Variants in TBC1D31 observed in about 807,000 individuals in gnomAD.
TBC1D31 encodes the protein TBC1 domain family member 31, also known as WD repeat domain 67.
In TBC1D31, 99 loss-of-function variants were observed where a neutral mutation model predicts 132.9. That is an observed-to-expected ratio of 0.74 (90% CI 0.63 to 0.88). TBC1D31 has a LOEUF of 0.88. TBC1D31 is among the 40% of genes least tolerant of loss of function. TBC1D31 has a pLI of 0.00. For missense variants in TBC1D31, 1,134 were observed against 1,256.6 expected, an observed-to-expected ratio of 0.90 and a Z score of 1.48; for synonymous variants, 385 against 419.4, an observed-to-expected ratio of 0.92 and a Z score of 1.00.
intron 11 of TBC1D31, among the ~76,000 whole-genome samples, chr8:123,122,203 A>G (rs979182788): frequency 1.3e-5 from 2 of 152,248 alleles, no homozygotes; most frequent in African/African-American, 4.8e-5. Flanking sequence ...TATACCCAAA[A>G]GAATTGAAAA....
At chr8:123,158,503 CG>C in the TBC1D31 span, among the ~76,000 whole-genome samples, 2 of 152,148 alleles carry the variant, frequency 1.3e-5, no homozygotes, top group East Asian at 3.9e-4. Context: ...GACAGACCGA[CG>C]GAAGGACAGG....
downstream of TBC1D31, among the ~76,000 whole-genome samples, chr8:123,156,890 C>CCGAGCTCGCAGCGCGCCGA (rs1823005225): frequency 6.6e-6 from 1 of 152,218 alleles, no homozygotes; most frequent in African/African-American, 2.4e-5. Flanking sequence ...CTCGCAGCGC[C>CCGAGCTCGCAGCGCGCCGA]GTCCTGGACT....
intron 11 of TBC1D31, among the ~76,000 whole-genome samples, chr8:123,125,679 G>C (rs1563731791): frequency 6.6e-6 from 1 of 152,098 alleles, no homozygotes; most frequent in African/African-American, 2.4e-5. Context: ...GAGGAGATTG[G>C]CATGCTAATG....
At chr8:123,110,581 C>T (rs1046056567) in intron 10 of TBC1D31, among the ~76,000 whole-genome samples, 1 of 151,932 alleles carries the variant, frequency 6.6e-6, no homozygotes, top group African/African-American at 2.4e-5. Flanking sequence ...TGCCCATCAC[C>T]CAGCTTCAAC....
chr8:123,149,981 T>A (rs964900700), intron 20 of TBC1D31, 55 bp from the exon 21 acceptor site: 6 of 1,301,602 alleles, frequency 4.6e-6, no homozygotes, highest in Non-Finnish European at 6.7e-6. Flanking sequence ...TTGGAATTAG[T>A]AAGCCTTTCT....
chr8:123,109,081 G>A (rs1295630203), intron 8 of TBC1D31, among the ~76,000 whole-genome samples: 1 of 152,148 alleles, frequency 6.6e-6, no homozygotes, highest in Non-Finnish European at 1.5e-5. Context: ...GCCCTTTACA[G>A]AAAAAGTTTG....
In TBC1D31 at chr8:123,109,764, C is replaced by G. The variant is rs1357215663; in HGVS notation, c.1436+144C>G. On this transcript the variant is annotated intron_variant, in intron 10 of 21. Coordinates refer to ENST00000287380, the MANE Select transcript of TBC1D31 (RefSeq NM_145647.4). ...TGGTTTAATTTTAAAAATGTACATG[C>G]ACATATATTACATGTGAATATTAGT... 3.8e-5 allele frequency: 27 copies of G among 707,826 alleles called. No homozygotes were observed. In the Admixed American group the frequency reaches 7.7e-4, roughly 20 times the overall value. The allele number at this position is 707,826 out of a possible 1,614,324, so 43.8% of individuals were successfully genotyped here.
chr8:123,096,815 G>A (rs1816881931), intron 5 of TBC1D31, among the ~76,000 whole-genome samples: 1 of 152,160 alleles, frequency 6.6e-6, no homozygotes, highest in Non-Finnish European at 1.5e-5. Context: ...TCTTATTAAG[G>A]TAGCTTTCTT....
intron 1 of TBC1D31, among the ~76,000 whole-genome samples, chr8:123,074,769 A>G (rs945800474): frequency 2.6e-5 from 4 of 152,214 alleles, no homozygotes; most frequent in Non-Finnish European, 5.9e-5. Context: ...TTGTTGAAGT[A>G]AATGTCCGTT....
At chr8:123,149,969 A>G (rs542094133) in intron 20 of TBC1D31, 67 bp from the exon 21 acceptor site, 2 of 1,144,134 alleles carry the variant, frequency 1.7e-6, no homozygotes, top group African/African-American at 3.1e-5. Context: ...ACTAGGGACC[A>G]TTTGGAATTA....
At position 123,128,281 on chromosome 8, in the gene TBC1D31, T is replaced by G. The variant is rs570441854; in HGVS notation, c.1885T>G (p.Phe629Val). ...LSCNLKDDFE[F>V]FFHHRNNLDI... Reference sequence around the variant, plus strand: ...ATTTAAACACCAAGTTTTCTTACAGTTTTTTTTTCACCATCGGAATAACCT... The same window carrying G: ...ATTTAAACACCAAGTTTTCTTACAGGTTTTTTTTCACCATCGGAATAACCT... The change falls in exon 14 of 22, where the codon TTT becomes GTT. Residue 629 changes from phenylalanine (F) to valine (V), a missense_variant and splice_region_variant. Coordinates refer to ENST00000287380, the MANE Select transcript of TBC1D31 (RefSeq NM_145647.4). 7.2e-5 allele frequency: 110 copies of G among 1,519,876 alleles called. No individual in the cohort carries two copies. Among genetic ancestry groups the G allele is most frequent in the South Asian group, 1.4e-4 (12 of 84,006 alleles). The allele number at this position is 1,519,876 out of a possible 1,614,324, so 94.1% of individuals were successfully genotyped here.
chr8:123,157,719 G>GCACACACA, the TBC1D31 span, among the ~76,000 whole-genome samples: 120 of 148,032 alleles, frequency 8.1e-4, 1 homozygote, highest in Admixed American at 6.0e-4. Flanking sequence ...GCGCGCGCGC[G>GCACACACA]CACACACACA....
chr8:123,120,164 T>G lies in TBC1D31; in HGVS notation c.1546T>G (p.Phe516Val). Residue 516 changes from phenylalanine to valine, a missense_variant, in exon 11 of 22, where the codon TTT (phenylalanine) becomes GTT (valine). By Grantham distance (50) the Phe-to-Val change is conservative (BLOSUM62 -1). Transcript: ENST00000287380. ...ATTCCAGAACAACCAACTCATCTGT[T>G]TTGAAGTTATTGCTACTCTCATAAG... ...KLFQNNQLIC[F>V]EVIATLIINW... 6.2e-7 allele frequency: 1 copy of G among 1,608,104 alleles called. No individual in the cohort carries two copies. The highest frequency in any genetic ancestry group is 8.5e-7 in the Non-Finnish European group (1 of 1,176,670).
chr8:123,094,215 C>T (rs911723676), intron 5 of TBC1D31, among the ~76,000 whole-genome samples: 2 of 152,010 alleles, frequency 1.3e-5, no homozygotes, highest in Admixed American at 1.3e-4. Flanking sequence ...TAGGCACGTG[C>T]CACCATACTG....
rs191529804 is a variant in TBC1D31 at position 123,124,862 on chromosome 8, G to A, written c.1571-1194G>A. On this transcript the variant is annotated intron_variant, in intron 11 of 21. Transcript: ENST00000287380. ...TGAGACAAGATAATCACTTGAACCC[G>A]GGAGGCAGAGGTTGCAATGAGCCGA... Among the ~76,000 whole-genome samples the A allele has an allele frequency of 3.2e-4, 49 of 151,240 alleles. No homozygotes were observed. In the South Asian group the frequency reaches 3.8e-3, roughly 12 times the overall value.
intron 20 of TBC1D31, among the ~76,000 whole-genome samples, chr8:123,149,450 C>T (rs991824018): frequency 1.6e-4 from 25 of 152,184 alleles, no homozygotes; most frequent in Admixed American, 1.2e-3. Context: ...TAAGCCATGT[C>T]AGGATGCAAA....
In TBC1D31 at chr8:123,097,436, A is replaced by G; in HGVS notation, c.826A>G (p.Asn276Asp). The G allele has an allele frequency of 6.2e-7, 1 of 1,614,186 alleles. No individual in the cohort carries two copies. Among genetic ancestry groups the G allele is most frequent in the Non-Finnish European group, 8.5e-7 (1 of 1,180,026 alleles). ...FLPDSFDAGS[N>D]QVLGVLSQDG... ...TCCTGATAGTTTTGATGCTGGTTCT[A>G]ATCAGGTTAGTAACATAAATGTAGG... Residue 276 changes from asparagine (N) to aspartate (D), a missense_variant, in exon 6 of 22, where the codon AAT (asparagine) becomes GAT (aspartate). Physicochemically the swap from Asn to Asp is conservative, Grantham distance 23. Transcript: ENST00000287380.
intron 19 of TBC1D31, among the ~76,000 whole-genome samples, chr8:123,143,889 T>C (rs1198952441): frequency 6.6e-6 from 1 of 152,180 alleles, no homozygotes; most frequent in East Asian, 1.9e-4. Flanking sequence ...GAGAATTGGC[T>C]GAGAATCATT....
chr8:123,110,228 T>A (rs1017119431), intron 10 of TBC1D31, among the ~76,000 whole-genome samples: 1 of 152,210 alleles, frequency 6.6e-6, no homozygotes, highest in African/African-American at 2.4e-5. Context: ...TAATTTTTTT[T>A]ATCTAAAAGT....
Sources: gnomAD v4.1 joint callset for allele counts (sites outside exome capture counted in the v4.1 genomes callset) on GRCh38, gnomAD v4.1.1 for gene constraint, MANE v1.5 for transcripts, NCBI Gene and HGNC (gene_info 2026-07-23, HGNC 2026-07-21) for gene names.